Variants in PLXNA4 observed in about 807,000 individuals in gnomAD.
PLXNA4 encodes plexin-A4.
PLXNA4 carries 44 observed loss-of-function variants against 191.8 expected under a neutral mutation model. The observed-to-expected ratio is 0.23, with a 90% CI of 0.18 to 0.29. PLXNA4 has a LOEUF of 0.29. Ranked by LOEUF, PLXNA4 falls within the 10% of genes least tolerant of loss-of-function variation. The pLI is 1.00. For missense variants in PLXNA4, 1,800 were observed against 2,488.8 expected, an observed-to-expected ratio of 0.72 and a Z score of 5.89; for synonymous variants, 1,082 against 1,009.5, an observed-to-expected ratio of 1.07 and a Z score of -1.36.
rs1562909028 is a variant in PLXNA4 at position 132,189,015 on chromosome 7, A to AAAGGAAAG, written c.2857-1409_2857-1408insCTTTCCTT. Among the ~76,000 whole-genome samples, 166 of 82,014 alleles carry AAAGGAAAG rather than the reference A, an allele frequency of 2.0e-3. 2 individuals carry two copies. Among genetic ancestry groups the AAAGGAAAG allele is most frequent in the Middle Eastern group, 7.4e-3 (1 of 136 alleles). The allele number at this position is 82,014 out of a possible 152,430, so 53.8% of individuals were successfully genotyped here. On this transcript the variant is annotated intron_variant, in intron 14 of 31. Coordinates refer to ENST00000321063, the MANE Select transcript of PLXNA4 (RefSeq NM_020911.2). Reference sequence around the variant, plus strand: ...AAAGGAGAGAGAGAGAGAGAGAGAGAGAGAGAGAGAGAGAAAGAGAGAGAG... The same window carrying AAAGGAAAG: ...AAAGGAGAGAGAGAGAGAGAGAGAGAAAGGAAAGGAGAGAGAGAGAGAAAGAGAGAGAG...
chr7:132,299,673 T>C (rs1801233829), intron 3 of PLXNA4, among the ~76,000 whole-genome samples: 1 of 152,346 alleles, frequency 6.6e-6, no homozygotes, highest in South Asian at 2.1e-4. Context: ...TCACGGCTCA[T>C]GTGTCCCTCC....
At chr7:132,609,554 A>G (rs779093692) in intron 2 of PLXNA4, among the ~76,000 whole-genome samples, 1 of 152,196 alleles carries the variant, frequency 6.6e-6, no homozygotes. Flanking sequence ...GTTGGTGGCC[A>G]TTACCAATGA....
At chr7:132,344,969 T>C (rs560660269) in intron 3 of PLXNA4, among the ~76,000 whole-genome samples, 3 of 152,170 alleles carry the variant, frequency 2.0e-5, no homozygotes, top group Non-Finnish European at 4.4e-5. Context: ...TTAGCTCAGT[T>C]TTCTCACCAG....
At chr7:132,378,688 G>T (rs1209864783) in intron 3 of PLXNA4, among the ~76,000 whole-genome samples, 1 of 152,100 alleles carries the variant, frequency 6.6e-6, no homozygotes, top group African/African-American at 2.4e-5. Flanking sequence ...AAGAGAATGA[G>T]AATGATAATG....
At chr7:132,422,771 A>T (rs1221781645) in intron 3 of PLXNA4, among the ~76,000 whole-genome samples, 2 of 152,120 alleles carry the variant, frequency 1.3e-5, no homozygotes, top group African/African-American at 2.4e-5. Context: ...GCCATACATA[A>T]TCTCTCTTAA....
chr7:132,269,000 A>T (rs1799959375), intron 4 of PLXNA4, among the ~76,000 whole-genome samples: 1 of 152,164 alleles, frequency 6.6e-6, no homozygotes. Context: ...GCTATGTAAA[A>T]ACAAAGTATT....
chr7:132,483,048 C>CGAAAAGCA (rs1797402237), intron 3 of PLXNA4, among the ~76,000 whole-genome samples: 1 of 152,046 alleles, frequency 6.6e-6, no homozygotes, highest in African/African-American at 2.4e-5. Context: ...AGAACTGCTG[C>CGAAAAGCA]GAAAAGCAGC....
At chr7:132,217,033 G>C (rs551105889) in intron 9 of PLXNA4, among the ~76,000 whole-genome samples, 4 of 152,192 alleles carry the variant, frequency 2.6e-5, no homozygotes, top group African/African-American at 4.8e-5. Context: ...AAGAATGCAG[G>C]GGGGTGAGAA....
intron 25 of PLXNA4, among the ~76,000 whole-genome samples, chr7:132,158,699 C>T (rs976205533): frequency 3.9e-5 from 6 of 152,188 alleles, no homozygotes; most frequent in Non-Finnish European, 5.9e-5. Flanking sequence ...TAGGACTTGA[C>T]GGCACCAGGA....
At chr7:132,287,198 C>T (rs1334335924) in intron 4 of PLXNA4, among the ~76,000 whole-genome samples, 1 of 152,140 alleles carries the variant, frequency 6.6e-6, no homozygotes, top group Non-Finnish European at 1.5e-5. Context: ...TAAGGCCTGG[C>T]TAACTTTTTG....
chr7:132,269,878 C>A (rs73496833), intron 4 of PLXNA4, among the ~76,000 whole-genome samples: 1 of 152,158 alleles, frequency 6.6e-6, no homozygotes, highest in African/African-American at 2.4e-5. Context: ...GGGAGTCCTG[C>A]AGAGGGGAGA....
intron 3 of PLXNA4, among the ~76,000 whole-genome samples, chr7:132,305,555 G>A (rs909232024): frequency 3.3e-5 from 5 of 152,184 alleles, no homozygotes; most frequent in South Asian, 2.1e-4. Flanking sequence ...TCCCTGGCAC[G>A]GTGAGTCTCC....
chr7:132,317,285 G>C (rs1436937805), intron 3 of PLXNA4, among the ~76,000 whole-genome samples: 1 of 151,796 alleles, frequency 6.6e-6, no homozygotes, highest in African/African-American at 2.4e-5. Context: ...GGATTGGATT[G>C]AATTGGGTTG....
intron 2 of PLXNA4, among the ~76,000 whole-genome samples, chr7:132,586,293 A>G (rs774697376): frequency 6.6e-6 from 1 of 152,262 alleles, no homozygotes; most frequent in Non-Finnish European, 1.5e-5. Flanking sequence ...TAAAAGAAAC[A>G]TATTAAATGT....
At chr7:132,269,165 G>A (rs995400970) in intron 4 of PLXNA4, among the ~76,000 whole-genome samples, 7 of 152,028 alleles carry the variant, frequency 4.6e-5, no homozygotes, top group African/African-American at 9.7e-5. Flanking sequence ...CCCTTCTTCC[G>A]TGTCCGTGGG....
Position 132,126,297 on chromosome 7 carries a change from A to C in PLXNA4, c.*4182T>G, listed in dbSNP as rs1794766919. On this transcript the variant is annotated 3_prime_UTR_variant, in exon 32 of 32. Coordinates refer to ENST00000321063, the MANE Select transcript of PLXNA4 (RefSeq NM_020911.2). ...GCTAGACGAGGGAGCTCCTACAGCC[A>C]GGAAGGCAGCTTTGGGTGGGGTAGG... The C allele has an allele frequency of 6.6e-6, 1 of 152,506 alleles. No homozygotes were observed. Among genetic ancestry groups the C allele is most frequent in the South Asian group, 2.1e-4 (1 of 4,830 alleles). The allele number at this position is 152,506 out of a possible 1,614,324, so 9.4% of individuals were successfully genotyped here. A position where few individuals can be genotyped will look rare whatever the true frequency, so the allele number is the denominator to read the frequency against.
chr7:132,630,060 C>A (rs1321033993), intron 2 of PLXNA4, among the ~76,000 whole-genome samples: 1 of 152,142 alleles, frequency 6.6e-6, no homozygotes, highest in Non-Finnish European at 1.5e-5. Context: ...CTGTGTTAGC[C>A]AGGATGGTCT....
chr7:132,194,850 C>A (rs959863690), intron 13 of PLXNA4, among the ~76,000 whole-genome samples: 1 of 152,034 alleles, frequency 6.6e-6, no homozygotes, highest in Admixed American at 6.6e-5. Context: ...GTGCCCCATT[C>A]TTCTTAAAAC....
chr7:132,280,991 C>A (rs906786135), intron 4 of PLXNA4, among the ~76,000 whole-genome samples: 2 of 151,724 alleles, frequency 1.3e-5, no homozygotes, highest in South Asian at 4.2e-4. Context: ...CACTATCAAA[C>A]CTTTAGAAAA....
Sources: allele counts gnomAD v4.1 joint callset (sites outside exome capture counted in the v4.1 genomes callset), GRCh38; gene constraint gnomAD v4.1.1; transcripts MANE v1.5; gene names NCBI Gene and HGNC (gene_info 2026-07-23, HGNC 2026-07-21).